The following CHD1 variants were observed in gnomAD, a reference collection of about 807,000 sequenced individuals.
CHD1 encodes chromodomain helicase DNA binding protein 1.
Under a neutral mutation model 224.2 loss-of-function variants are expected in CHD1, and 36 were observed. The ratio of observed to expected loss-of-function variants is 0.16; its 90% CI spans 0.12 to 0.21. The LOEUF (loss-of-function observed/expected upper bound fraction) is 0.21, where lower values mean the gene tolerates loss of function less well. Among genes scored for constraint, CHD1 ranks in the 10% least tolerant of loss-of-function variants. CHD1 has a pLI of 1.00. For missense variants in CHD1, 1,378 were observed against 1,994.8 expected, an observed-to-expected ratio of 0.69 and a Z score of 5.89; for synonymous variants, 668 against 658.3, an observed-to-expected ratio of 1.01 and a Z score of -0.23.
intron 2 of CHD1, among the ~76,000 whole-genome samples, chr5:98,925,108 TG>T (rs1363319164): frequency 1.3e-5 from 2 of 152,204 alleles, no homozygotes; most frequent in Admixed American, 6.5e-5. Flanking sequence ...TCCACCCCCA[TG>T]TCTCCATCAC....
At position 98,855,162 on chromosome 5, in the gene CHD1, G is replaced by A. The variant is rs1297075561; in HGVS notation, c.*1218C>T. 2 of 152,618 alleles carry A rather than the reference G, an allele frequency of 1.3e-5. No homozygotes were observed. The highest frequency in any genetic ancestry group is 4.8e-5 in the African/African-American group (2 of 41,418). The allele number at this position is 152,618 out of a possible 1,614,324, so 9.5% of individuals were successfully genotyped here. On this transcript the variant is annotated 3_prime_UTR_variant, in exon 36 of 36. Coordinates refer to ENST00000614616, the MANE Select transcript of CHD1 (RefSeq NM_001270.4). ...GCGGTGGTGGTGGTGGTAAGTGCTTGAGGGAGTAAGAATGCAGCAGAAAAT... is the reference window on the plus strand; with the variant it reads ...GCGGTGGTGGTGGTGGTAAGTGCTTAAGGGAGTAAGAATGCAGCAGAAAAT...
chr5:98,880,182 T>C (rs1470051879), intron 22 of CHD1, among the ~76,000 whole-genome samples: 1 of 152,182 alleles, frequency 6.6e-6, no homozygotes, highest in East Asian at 1.9e-4. Context: ...CTGTGAGGAT[T>C]ACATAAGATA....
chr5:98,911,024 A>C (rs972547258), intron 2 of CHD1, among the ~76,000 whole-genome samples: 3 of 151,196 alleles, frequency 2.0e-5, no homozygotes, highest in Non-Finnish European at 4.4e-5. Flanking sequence ...ACTTCTAAAT[A>C]CTACTGCACA....
chr5:98,885,119 G>A (rs951686672), intron 18 of CHD1, among the ~76,000 whole-genome samples: 15 of 152,032 alleles, frequency 9.9e-5, no homozygotes, highest in African/African-American at 3.4e-4. Flanking sequence ...GGCTGGGCGC[G>A]GTGGCTTCAT....
At position 98,902,882 on chromosome 5, in the gene CHD1, T is replaced by C. The variant is rs745517900; in HGVS notation, c.437+18A>G. Reference sequence around the variant, plus strand: ...GATTTTTCTAAAATGAAGTAGTCAGTTGAACAAAATGACATACTCTTTATG... The same window carrying C: ...GATTTTTCTAAAATGAAGTAGTCAGCTGAACAAAATGACATACTCTTTATG... On this transcript the variant is annotated intron_variant, in intron 5 of 35. Transcript: ENST00000614616. 2.0e-6 allele frequency: 3 copies of C among 1,521,852 alleles called. No individual in the cohort carries two copies. The highest frequency in any genetic ancestry group is 1.4e-5 in the African/African-American group (1 of 72,444). 94.3% of individuals were successfully genotyped at this position (1,521,852 alleles called of 1,614,324 possible).
rs1254535629 is a variant in CHD1, at chr5:98,855,825, A to T, written c.*555T>A. Reference sequence around the variant, plus strand: ...AGGCATAATAGATCACAAACAGGAAATTCCTGGCTATTTTACAGATATAAG... The same window carrying T: ...AGGCATAATAGATCACAAACAGGAATTTCCTGGCTATTTTACAGATATAAG... On this transcript the variant is annotated 3_prime_UTR_variant, in exon 36 of 36. Coordinates refer to ENST00000614616, the MANE Select transcript of CHD1 (RefSeq NM_001270.4). The T allele has an allele frequency of 1.3e-5, 2 of 151,900 alleles. No individual in the cohort carries two copies. The highest frequency in any genetic ancestry group is 4.8e-5 in the African/African-American group (2 of 41,362). The allele number at this position is 151,900 out of a possible 1,614,324, so 9.4% of individuals were successfully genotyped here.
At chr5:98,910,904 A>G (rs913162390) in intron 2 of CHD1, among the ~76,000 whole-genome samples, 1 of 151,850 alleles carries the variant, frequency 6.6e-6, no homozygotes, top group South Asian at 2.1e-4. Flanking sequence ...CCCTCTGCAG[A>G]TATCTTTTTT....
Position 98,868,582 on chromosome 5 carries a change from T to C in CHD1, c.4161A>G (p.Ser1387=). ...GRERSKKSSV[S]DAPVHITASG... ...TTGCCGTGATATGAACTGGAGCATCTGACACTGAAGATTTCTTGGATCTTT... is the reference window on the plus strand; with the variant it reads ...TTGCCGTGATATGAACTGGAGCATCCGACACTGAAGATTTCTTGGATCTTT... The change falls in exon 31 of 36, where the codon TCA becomes TCG. Residue 1387 remains serine, a synonymous_variant. Coordinates refer to ENST00000614616, the MANE Select transcript of CHD1 (RefSeq NM_001270.4). 1 of 1,609,938 alleles carries C rather than the reference T, an allele frequency of 6.2e-7. No individual in the cohort carries two copies. The highest frequency in any genetic ancestry group is 8.5e-7 in the Non-Finnish European group (1 of 1,178,854).
chr5:98,870,640 C>T, intron 29 of CHD1, 47 bp downstream of exon 29: 2 of 1,084,808 alleles, frequency 1.8e-6, no homozygotes. Flanking sequence ...ACAAAATTTA[C>T]CTTACTAAAA....
chr5:98,905,949 T>C (rs1248512492), intron 2 of CHD1, among the ~76,000 whole-genome samples: 1 of 152,202 alleles, frequency 6.6e-6, no homozygotes, highest in Non-Finnish European at 1.5e-5. Flanking sequence ...GACTCCGCTT[T>C]TGATGTAATT....
chr5:98,897,575 T>C (rs984026836), intron 10 of CHD1, among the ~76,000 whole-genome samples: 3 of 152,194 alleles, frequency 2.0e-5, no homozygotes, highest in East Asian at 3.8e-4. Flanking sequence ...TGCCAAAATA[T>C]GAGTCTCATG....
chr5:98,926,088 T>C (rs932350329), intron 2 of CHD1, among the ~76,000 whole-genome samples: 1 of 152,078 alleles, frequency 6.6e-6, no homozygotes, highest in African/African-American at 2.4e-5. Context: ...CCAAATAGAT[T>C]TAAGTAAACA....
intron 2 of CHD1, among the ~76,000 whole-genome samples, chr5:98,912,737 T>C (rs2112594831): frequency 6.6e-6 from 1 of 152,316 alleles, no homozygotes; most frequent in Non-Finnish European, 1.5e-5. Flanking sequence ...CCTCGGCAAG[T>C]GCTAGTAGCA....
Position 98,869,615 on chromosome 5 carries a change from TGCGC to T in CHD1, c.4107+135_4107+138del, listed in dbSNP as rs59107424. The T allele has an allele frequency of 0.015, 10,566 of 725,378 alleles. 709 individuals are homozygous for T. The African/African-American group carries it at 0.23, about 16-fold the overall frequency. 44.9% of individuals were successfully genotyped at this position (725,378 alleles called of 1,614,324 possible). ...TATGAACTATAAGTGCGTGCGCACG[TGCGC>T]GCGCACACACACACACACACACACA... is the stretch of plus-strand genomic sequence containing the variant. On this transcript the variant is annotated intron_variant, in intron 30 of 35. Transcript: ENST00000614616.
intron 2 of CHD1, among the ~76,000 whole-genome samples, chr5:98,912,693 T>TA (rs1752501053): frequency 6.6e-6 from 1 of 151,884 alleles, no homozygotes. Flanking sequence ...TAAAATAAAA[T>TA]AAAGAAAGCA....
chr5:98,865,360 G>A lies in CHD1; in HGVS notation c.4249-1774C>T, dbSNP rs373662056. Among the ~76,000 whole-genome samples, 11 of 152,186 alleles carry A rather than the reference G, an allele frequency of 7.2e-5. No homozygotes were observed. The East Asian group carries it at 9.6e-4, about 13-fold the overall frequency. ...CTCCTAAATGAGATGGAAAGCCACT[G>A]GAGTGTTGTAGGCACAGAAATATAA... On this transcript the variant is annotated intron_variant, in intron 31 of 35. Transcript: ENST00000614616.
intron 30 of CHD1, chr5:98,869,382 C>A: frequency 2.5e-6 from 1 of 397,574 alleles, no homozygotes; most frequent in Non-Finnish European, 3.5e-6. Flanking sequence ...CTGAAAGAGC[C>A]CAGAATCCCC....
Position 98,876,436 on chromosome 5 carries a change from C to G in CHD1, c.3360G>C (p.Arg1120=). The G allele has an allele frequency of 6.2e-7, 1 of 1,614,054 alleles. No homozygotes were observed. The highest frequency in any genetic ancestry group is 1.1e-5 in the South Asian group (1 of 91,082). ...CATCACTAAATCCTTTAATATTCTC[C>G]CGAGGAATAGTCCGTGGTCTTCCAC... The part of the protein sequence containing the change: ...KKRGRPRTIP[R]ENIKGFSDAE... The change falls in exon 24 of 36, where the codon CGG becomes CGC. Residue 1120 remains arginine (R), a synonymous_variant. Transcript: ENST00000614616.
chr5:98,896,153 T>G (rs552096161), intron 12 of CHD1, 73 bp downstream of exon 12: 39 of 1,337,838 alleles, frequency 2.9e-5, no homozygotes, highest in Middle Eastern at 3.6e-4. Flanking sequence ...AAACCCCATC[T>G]CAAAACAACA....
Sources: allele counts gnomAD v4.1 joint callset (sites outside exome capture counted in the v4.1 genomes callset), GRCh38; gene constraint gnomAD v4.1.1; transcripts MANE v1.5; gene names NCBI Gene and HGNC (gene_info 2026-07-23, HGNC 2026-07-21).